Variants in TRIM28 observed in about 807,000 individuals in gnomAD.
TRIM28 encodes tripartite motif containing 28.
In TRIM28, 8 loss-of-function variants were observed where a neutral mutation model predicts 87.4. The observed-to-expected ratio is 0.09, with a 90% CI of 0.05 to 0.17. The LOEUF (loss-of-function observed/expected upper bound fraction) is 0.17, where lower values mean the gene tolerates loss of function less well. Ranked by LOEUF, TRIM28 falls within the 10% of genes least tolerant of loss-of-function variation. The pLI, the probability that TRIM28 is intolerant of heterozygous loss-of-function variation, is 1.00. For synonymous variants in TRIM28, 601 were observed against 454.3 expected (o/e 1.32, Z -4.11); for missense variants, 968 against 1,131.8 (o/e 0.86, Z 2.08).
At chr19:58,545,561 AAGG>A in intron 2 of TRIM28, 24 bp downstream of exon 2, 5 of 1,578,426 alleles carry the variant, frequency 3.2e-6, no homozygotes, top group Non-Finnish European at 4.3e-6. Flanking sequence ...CAGCAACCAC[AAGG>A]AGGTTTCTGG....
intron 3 of TRIM28, among the ~76,000 whole-genome samples, chr19:58,546,560 G>A (rs1038813157): frequency 2.6e-5 from 4 of 152,166 alleles, no homozygotes; most frequent in African/African-American, 7.2e-5. Flanking sequence ...GGTGGCTGTG[G>A]GGCCTGAGCA....
Position 58,548,760 on chromosome 19 carries a change from C to G in TRIM28, c.1344C>G (p.Gly448=). ...GSSQPMEVQE[G]YGFGSGDDPY... ...CACAGCCCATGGAGGTGCAGGAAGGCTATGGCTTTGGGTCAGGTGAGTGGG... is the reference window on the plus strand; with the variant it reads ...CACAGCCCATGGAGGTGCAGGAAGGGTATGGCTTTGGGTCAGGTGAGTGGG... The change falls in exon 10 of 17, where the codon GGC becomes GGG. Residue 448 remains glycine, a synonymous_variant. Transcript: ENST00000253024. The G allele has an allele frequency of 6.2e-7, 1 of 1,614,068 alleles. No individual in the cohort carries two copies. Among genetic ancestry groups the G allele is most frequent in the Non-Finnish European group, 8.5e-7 (1 of 1,180,008 alleles).
rs1384983508 is a variant in TRIM28, at chr19:58,545,910, A to G, written c.586+14A>G. The G allele has an allele frequency of 2.5e-6, 4 of 1,577,166 alleles. No individual in the cohort carries two copies. Among genetic ancestry groups the G allele is most frequent in the Non-Finnish European group, 3.5e-6 (4 of 1,153,616 alleles). ...TGCGCTCTACTGGTACATGAGGCTG[A>G]GGGGGGCTGTTGGAGTTGTTCTCCC... is the stretch of plus-strand genomic sequence containing the variant. On this transcript the variant is annotated intron_variant, in intron 3 of 16. Transcript: ENST00000253024.
In TRIM28 at chr19:58,549,229, G is replaced by A; in HGVS notation, c.1651G>A (p.Ala551Thr). The A allele has an allele frequency of 6.2e-7, 1 of 1,613,462 alleles. No homozygotes were observed. The highest frequency in any genetic ancestry group is 8.5e-7 in the Non-Finnish European group (1 of 1,179,588). Residue 551 changes from alanine (A) to threonine (T), a missense_variant, in exon 12 of 17, where the codon GCC becomes ACC. By Grantham distance (58) the Ala-to-Thr change is moderately conservative. Coordinates refer to ENST00000253024, the MANE Select transcript of TRIM28 (RefSeq NM_005762.3). The surrounding 1 kb of genome is among the most constrained non-coding windows in gnomAD (Gnocchi z 4.4). ...TGGTGCCCCACCCCTGGCTGGCATGGCCATTGTCAAGGTAAGCCTGTCCCA... is the reference window on the plus strand; with the variant it reads ...TGGTGCCCCACCCCTGGCTGGCATGACCATTGTCAAGGTAAGCCTGTCCCA... ...TPGAPPLAGM[A>T]IVKEEETEAA... is the part of the protein sequence containing the mutation.
Position 58,550,618 on chromosome 19 carries a change from C to A in TRIM28, c.*65C>A. 2 of 1,506,170 alleles carry A rather than the reference C, an allele frequency of 1.3e-6. No homozygotes were observed. Among genetic ancestry groups the A allele is most frequent in the Non-Finnish European group, 1.8e-6 (2 of 1,119,426 alleles). 93.3% of individuals were successfully genotyped at this position (1,506,170 alleles called of 1,614,324 possible). ...TCTGTCCTGTCACCCCATCCCCACT[C>A]CCCTGGTGGCCTGACTCCCACTCCC... is the stretch of plus-strand genomic sequence containing the variant. On this transcript the variant is annotated 3_prime_UTR_variant, in exon 17 of 17. Transcript: ENST00000253024.
rs750985835 is a variant in TRIM28 at position 58,549,978 on chromosome 19, C to G, written c.2136C>G (p.Phe712Leu). ...GTGAGCGTGTACTGCTGGCCCTATT[C>G]TGTCACGAACCCTGCCGCCCCCTGC... ...RKCERVLLAL[F>L]CHEPCRPLHQ... Residue 712 changes from phenylalanine (F) to leucine (L), a missense_variant, in exon 15 of 17, where the codon TTC (phenylalanine) becomes TTG (leucine). Coordinates refer to ENST00000253024, the MANE Select transcript of TRIM28 (RefSeq NM_005762.3). This position sits in a 1 kb window ranked among gnomAD's most constrained non-coding sequence, Gnocchi z 4.4. 1.2e-6 allele frequency: 2 copies of G among 1,614,094 alleles called. No homozygotes were observed. The highest frequency in any genetic ancestry group is 1.7e-5 in the Admixed American group (1 of 60,018).
rs2053791604 is a variant in TRIM28 at position 58,549,272 on chromosome 19, G to C, written c.1662+32G>C. On this transcript the variant is annotated intron_variant, in intron 12 of 16. Coordinates refer to ENST00000253024, the MANE Select transcript of TRIM28 (RefSeq NM_005762.3). This position sits in a 1 kb window ranked among gnomAD's most constrained non-coding sequence, Gnocchi z 4.4. ...CTGTCCCAAGGAACTATAGCTGTAG[G>C]ATGAAGCCTGTAGTCCAGGTCTGGA... 1.2e-6 allele frequency: 2 copies of C among 1,602,182 alleles called. No homozygotes were observed. Among genetic ancestry groups the C allele is most frequent in the Admixed American group, 3.4e-5 (2 of 59,436 alleles).
chr19:58,548,836 C>T (rs1323811266), intron 10 of TRIM28, 26 bp from the exon 11 acceptor site: 4 of 1,614,050 alleles, frequency 2.5e-6, no homozygotes, highest in Non-Finnish European at 3.4e-6. Context: ...CCCCAACCTG[C>T]CAGTCTTCTT....
intron 1 of TRIM28, 75 bp from the exon 2 acceptor site, chr19:58,545,350 C>A: frequency 8.0e-7 from 1 of 1,251,636 alleles, no homozygotes; most frequent in Non-Finnish European, 1.1e-6. Flanking sequence ...CGGGGGCCCA[C>A]CCAGCAGGGG....
chr19:58,547,255 A>C lies in TRIM28; in HGVS notation c.587-121A>C, dbSNP rs865993789. 37 of 1,332,810 alleles carry C rather than the reference A, an allele frequency of 2.8e-5. No homozygotes were observed. The Middle Eastern group carries it at 1.3e-3, about 48-fold the overall frequency. The allele number at this position is 1,332,810 out of a possible 1,614,324, so 82.6% of individuals were successfully genotyped here. ...GTTCTTCCCTGGCCACACCCTCTAC[A>C]TCTTCCCAATAAATGGCCCAGTGTC... On this transcript the variant is annotated intron_variant, in intron 3 of 16. Transcript: ENST00000253024.
chr19:58,545,072 C>G lies in TRIM28; in HGVS notation c.315C>G (p.Asp105Glu), dbSNP rs1447426326. Residue 105 changes from aspartate (D) to glutamate (E), a missense_variant, in exon 1 of 17, where the codon GAC (aspartate) becomes GAG (glutamate). Transcript: ENST00000253024. ...AAPAAANSSG[D>E]GGAAGDGTVV... ...CCGCCGCCGCCAACAGCTCGGGGGA[C>G]GGCGGGGCGGCGGGCGACGGCACCG... The G allele has an allele frequency of 7.0e-7, 1 of 1,438,304 alleles. No individual in the cohort carries two copies. Among genetic ancestry groups the G allele is most frequent in the Non-Finnish European group, 9.0e-7 (1 of 1,109,146 alleles). The allele number at this position is 1,438,304 out of a possible 1,614,324, so 89.1% of individuals were successfully genotyped here.
intron 1 of TRIM28, 56 bp downstream of exon 1, chr19:58,545,153 A>G: frequency 2.2e-6 from 3 of 1,355,352 alleles, no homozygotes; most frequent in Non-Finnish European, 2.9e-6. Flanking sequence ...TTTGATTCCG[A>G]CTGGGTGCAG....
At position 58,548,871 on chromosome 19, in the gene TRIM28, C is replaced by T; in HGVS notation, c.1370C>T (p.Pro457Leu). Residue 457 changes from proline to leucine, a missense_variant, in exon 11 of 17, where the codon CCC (proline) becomes CTC (leucine). Transcript: ENST00000253024. ...TTCTCCATTTTCTAAGGAGATGATC[C>T]CTACTCAAGTGCAGAGCCCCATGTG... ...EGYGFGSGDDPYSSAEPHVSG... is the reference protein window; with the variant it reads ...EGYGFGSGDDLYSSAEPHVSG... 1 of 1,614,078 alleles carries T rather than the reference C, an allele frequency of 6.2e-7. No individual in the cohort carries two copies. The highest frequency in any genetic ancestry group is 1.1e-5 in the South Asian group (1 of 91,086).
chr19:58,549,603 T>C lies in TRIM28; in HGVS notation c.1935T>C (p.Phe645=). The C allele has an allele frequency of 1.2e-6, 2 of 1,613,948 alleles. No homozygotes were observed. The highest frequency in any genetic ancestry group is 1.7e-6 in the Non-Finnish European group (2 of 1,179,862). ...GDLVMCNQCE[F]CFHLDCHLPA... The stretch of plus-strand genomic sequence containing the variant: ...TGGTTATGTGCAACCAGTGTGAGTT[T>C]TGTTTCCACCTGGACTGTCACCTGC... Residue 645 remains phenylalanine, a synonymous_variant, in exon 13 of 17, where the codon TTT becomes TTC. Coordinates refer to ENST00000253024, the MANE Select transcript of TRIM28 (RefSeq NM_005762.3). The surrounding 1 kb of genome is among the most constrained non-coding windows in gnomAD (Gnocchi z 4.4).
Position 58,544,933 on chromosome 19 carries a change from TG to T in TRIM28, c.178del (p.Glu60SerfsTer33). On this transcript the variant is annotated frameshift_variant, in exon 1 of 17. Transcript: ENST00000253024. LOFTEE classifies it high-confidence loss of function. The stretch of plus-strand genomic sequence containing the variant: ...CCCGCGGGGGGCGGCGCCGAGGCGC[TG>T]GAGCTGCTGGAGCACTGCGGCGTGT... Reference protein sequence around the residue: ...SSPAGGGAEALELLEHCGVCR... With the variant: ...SSPAGGGAEAXELLEHCGVCR... 6.9e-7 allele frequency: 1 copy of T among 1,443,494 alleles called. No homozygotes were observed. The highest frequency in any genetic ancestry group is 9.0e-7 in the Non-Finnish European group (1 of 1,107,782). 89.4% of individuals were successfully genotyped at this position (1,443,494 alleles called of 1,614,324 possible).
At chr19:58,545,135 T>C (rs756635722) in intron 1 of TRIM28, 38 bp downstream of exon 1, 91 of 1,382,924 alleles carry the variant, frequency 6.6e-5, no homozygotes, top group Non-Finnish European at 7.7e-5. Context: ...CTCCCCCTAC[T>C]CTCTGCCTTT....
In TRIM28 at chr19:58,544,915, G is replaced by T. The variant is rs749505422; in HGVS notation, c.158G>T (p.Gly53Val). 2.9e-6 allele frequency: 4 copies of T among 1,393,812 alleles called. No individual in the cohort carries two copies. The African/African-American group carries it at 6.1e-5, about 21-fold the overall frequency. 86.3% of individuals were successfully genotyped at this position (1,393,812 alleles called of 1,614,324 possible). A position where few individuals can be genotyped will look rare whatever the true frequency, so the allele number is the denominator to read the frequency against. Residue 53 changes from glycine (G) to valine (V), a missense_variant, in exon 1 of 17, where the codon GGG becomes GTG. Transcript: ENST00000253024. ...TCAGCCGCGGCGTCGTCGCCCGCGGGGGGCGGCGCCGAGGCGCTGGAGCTG... is the reference window on the plus strand; with the variant it reads ...TCAGCCGCGGCGTCGTCGCCCGCGGTGGGCGGCGCCGAGGCGCTGGAGCTG... ...SASAAASSPA[G>V]GGAEALELLE...
intron 1 of TRIM28, 65 bp from the exon 2 acceptor site, chr19:58,545,360 G>GCCCACCCAGC: frequency 7.6e-7 from 1 of 1,320,578 alleles, no homozygotes; most frequent in Non-Finnish European, 1.1e-6. Flanking sequence ...CCCAGCAGGG[G>GCCCACCCAGC]AATGGTGGGG....
At position 58,548,852 on chromosome 19, in the gene TRIM28, A is replaced by G. The variant is rs1156877808; in HGVS notation, c.1361-10A>G. On this transcript the variant is annotated splice_polypyrimidine_tract_variant and intron_variant, in intron 10 of 16. Transcript: ENST00000253024. ...CCCAACCTGCCAGTCTTCTTTCTCC[A>G]TTTTCTAAGGAGATGATCCCTACTC... 8 of 1,613,800 alleles carry G rather than the reference A, an allele frequency of 5.0e-6. No homozygotes were observed. The highest frequency in any genetic ancestry group is 4.5e-5 in the East Asian group (2 of 44,872).
Sources: allele counts gnomAD v4.1 joint callset (sites outside exome capture counted in the v4.1 genomes callset), GRCh38; gene constraint gnomAD v4.1.1; non-coding constraint Gnocchi (gnomAD v3.1); transcripts MANE v1.5; gene names NCBI Gene and HGNC (gene_info 2026-07-23, HGNC 2026-07-21).